Variants in THEMIS observed in about 807,000 individuals in gnomAD.
THEMIS encodes thymocyte selection associated.
A neutral mutation model predicts 52.6 loss-of-function variants in THEMIS; 37 were observed. The observed-to-expected ratio is 0.70, with a 90% CI of 0.54 to 0.93. THEMIS has a LOEUF of 0.93. Ranked by LOEUF, THEMIS falls within the 40% of genes least tolerant of loss-of-function variation. The probability of loss-of-function intolerance (pLI) is 0.00; values close to 1 mark genes in which losing one functional copy is unlikely to be tolerated. For synonymous variants in THEMIS, 292 were observed against 272.7 expected, an observed-to-expected ratio of 1.07 and a Z score of -0.70; for missense variants, 808 against 763.1, an observed-to-expected ratio of 1.06 and a Z score of -0.69.
At chr6:127,733,474 T>A (rs1244403700) in intron 4 of THEMIS, among the ~76,000 whole-genome samples, 1 of 152,208 alleles carries the variant, frequency 6.6e-6, no homozygotes, top group Non-Finnish European at 1.5e-5. Context: ...TTCGCTGACA[T>A]CAAGGGTGCC....
At chr6:127,851,097 CA>C (rs1377295447) in intron 2 of THEMIS, among the ~76,000 whole-genome samples, 1 of 151,326 alleles carries the variant, frequency 6.6e-6, no homozygotes, top group African/African-American at 2.4e-5. Context: ...ATTATACATT[CA>C]GGGGCAGAGG....
intron 1 of THEMIS, among the ~76,000 whole-genome samples, chr6:127,866,542 A>G (rs1240718527): frequency 1.3e-5 from 2 of 152,042 alleles, no homozygotes; most frequent in Non-Finnish European, 2.9e-5. Flanking sequence ...TAAAATAAAT[A>G]AATTCTAAAG....
intron 1 of THEMIS, among the ~76,000 whole-genome samples, chr6:127,859,143 A>G (rs1779714223): frequency 6.6e-6 from 1 of 151,910 alleles, no homozygotes; most frequent in Admixed American, 6.6e-5. Flanking sequence ...CCTTTACTCA[A>G]ATGCACTCTC....
At chr6:127,777,403 G>A (rs920324704) in intron 4 of THEMIS, among the ~76,000 whole-genome samples, 3 of 151,916 alleles carry the variant, frequency 2.0e-5, no homozygotes, top group African/African-American at 7.3e-5. Context: ...TGATATATAG[G>A]CCATTCTTCA....
intron 4 of THEMIS, among the ~76,000 whole-genome samples, chr6:127,769,088 A>C (rs369701109): frequency 3.3e-5 from 5 of 152,282 alleles, no homozygotes; most frequent in Admixed American, 2.0e-4. Context: ...TCAACTTTGG[A>C]CTCTGCAGGA....
chr6:127,757,844 A>G (rs1293538698), intron 4 of THEMIS, among the ~76,000 whole-genome samples: 1 of 152,138 alleles, frequency 6.6e-6, no homozygotes, highest in East Asian at 1.9e-4. Context: ...CAGTATAGCT[A>G]AGAATATTAT....
chr6:127,766,027 A>G (rs12661098), intron 4 of THEMIS, among the ~76,000 whole-genome samples: 10,329 of 152,126 alleles, frequency 0.068, 367 homozygotes, highest in Non-Finnish European at 0.086. Context: ...GCTAGTGGCT[A>G]ATGTAGAAGC....
chr6:127,736,470 T>C (rs951593068), intron 4 of THEMIS, among the ~76,000 whole-genome samples: 11 of 152,276 alleles, frequency 7.2e-5, no homozygotes, highest in Admixed American at 1.3e-4. Context: ...TGAGTATTTA[T>C]TGATATGGTT....
chr6:127,884,278 CCTTAAAACCACAAGATTT>C (rs2114442556), intron 1 of THEMIS, among the ~76,000 whole-genome samples: 1 of 152,226 alleles, frequency 6.6e-6, no homozygotes, highest in East Asian at 1.9e-4. Context: ...ATAGGACAAT[CCTTAAAACCACAAGATTT>C]CTTTCACTCA....
Position 127,812,938 on chromosome 6 carries a change from A to T in THEMIS, c.1703T>A (p.Leu568Ter). 1.2e-6 allele frequency: 2 copies of T among 1,613,954 alleles called. No individual in the cohort carries two copies. Among genetic ancestry groups the T allele is most frequent in the Non-Finnish European group, 8.5e-7 (1 of 1,179,932 alleles). ...PKHPSVEETKLTLLTLAEERT... is the reference protein window; with the variant it reads ...PKHPSVEETK ...TTCTTCTGCTAAGGTTAGCAGGGTT[A>T]ACTTTGTTTCCTCTACTGAGGGGTG... Residue 568 changes from leucine (L) to a stop codon, truncating the protein, a stop_gained, in exon 4 of 6, where the codon TTA (leucine) becomes TAA (stop). Transcript: ENST00000368248. LOFTEE classifies it high-confidence loss of function.
chr6:127,799,763 T>G (rs978621933), intron 4 of THEMIS, among the ~76,000 whole-genome samples: 5 of 152,138 alleles, frequency 3.3e-5, no homozygotes, highest in African/African-American at 1.2e-4. Context: ...TTGATAGAGA[T>G]AGAGATCTCA....
chr6:127,773,694 T>C (rs559008420), intron 4 of THEMIS, among the ~76,000 whole-genome samples: 1 of 152,188 alleles, frequency 6.6e-6, no homozygotes, highest in South Asian at 2.1e-4. Flanking sequence ...AAACCTAAAG[T>C]ATATAATCAA....
chr6:127,886,395 G>A (rs1384624156), intron 1 of THEMIS, among the ~76,000 whole-genome samples: 1 of 152,150 alleles, frequency 6.6e-6, no homozygotes, highest in Non-Finnish European at 1.5e-5. Context: ...TGGACTTGGA[G>A]TACTCAACCC....
intron 2 of THEMIS, among the ~76,000 whole-genome samples, chr6:127,835,660 G>A (rs902981500): frequency 3.9e-5 from 6 of 151,986 alleles, no homozygotes; most frequent in Non-Finnish European, 7.4e-5. Context: ...ATGCCAACGA[G>A]GACAAATTAG....
chr6:127,829,998 C>T lies in THEMIS; in HGVS notation c.251-64G>A, dbSNP rs1327705023. 7 of 1,248,594 alleles carry T rather than the reference C, an allele frequency of 5.6e-6. No homozygotes were observed. In the African/African-American group the frequency reaches 7.5e-5, roughly 13 times the overall value. The allele number at this position is 1,248,594 out of a possible 1,614,324, so 77.3% of individuals were successfully genotyped here. On this transcript the variant is annotated intron_variant, in intron 2 of 5. Coordinates refer to ENST00000368248, the MANE Select transcript of THEMIS (RefSeq NM_001010923.3). ...ACAATGAAAGTTCTCACAAGAAAAT[C>T]ACAAGGAGAGAGTTACAACACAAGT... is the stretch of plus-strand genomic sequence containing the variant.
the THEMIS span, among the ~76,000 whole-genome samples, chr6:127,697,508 T>A: frequency 6.6e-6 from 1 of 152,148 alleles, no homozygotes; most frequent in Admixed American, 6.5e-5. Flanking sequence ...GTGACTCCCA[T>A]CTCATTCAAT....
At chr6:127,875,351 T>A (rs539651638) in intron 1 of THEMIS, among the ~76,000 whole-genome samples, 11 of 152,328 alleles carry the variant, frequency 7.2e-5, no homozygotes, top group Non-Finnish European at 1.6e-4. Flanking sequence ...CACAGAAGCA[T>A]GTGCATACAA....
rs747793299 is a variant in THEMIS, at chr6:127,829,750, A to G, written c.435T>C (p.Asp145=). The change falls in exon 3 of 6, where the codon GAT becomes GAC. Residue 145 remains aspartate (D), a synonymous_variant. Coordinates refer to ENST00000368248, the MANE Select transcript of THEMIS (RefSeq NM_001010923.3). ...CTGCACAGCTCACCATTATTTCTCC[A>G]TCAATCTCTTCAACTGAGTTGAGCA... ...QIMLNSVEEI[D]GEIMVSCAVA... is the part of the protein sequence containing the mutation. 7.4e-6 allele frequency: 12 copies of G among 1,614,074 alleles called. No homozygotes were observed. The East Asian group carries it at 2.5e-4, about 33-fold the overall frequency.
At position 127,901,022 on chromosome 6, in the gene THEMIS, C is replaced by T. The variant is rs1781121156; in HGVS notation, c.-90G>A. 4.0e-6 allele frequency: 4 copies of T among 989,958 alleles called. No individual in the cohort carries two copies. The South Asian group carries it at 5.3e-5, about 13-fold the overall frequency. The allele number at this position is 989,958 out of a possible 1,614,324, so 61.3% of individuals were successfully genotyped here. A position where few individuals can be genotyped will look rare whatever the true frequency, so the allele number is the denominator to read the frequency against. ...TGTCTGCAATTGCAGCCCCTGCTCA[C>T]CATTTCTTCCTCAGGCAGGCAGGAA... On this transcript the variant is annotated 5_prime_UTR_variant, in exon 1 of 6. In the 5' UTR this introduces an upstream ATG that the reference lacks. Transcript: ENST00000368248.
Sources: allele counts gnomAD v4.1 joint callset (sites outside exome capture counted in the v4.1 genomes callset), GRCh38; gene constraint gnomAD v4.1.1; transcripts MANE v1.5; gene names NCBI Gene and HGNC (gene_info 2026-07-23, HGNC 2026-07-21).